The following SLC24A2 variants were observed in gnomAD, a reference collection of about 807,000 sequenced individuals.
SLC24A2 encodes the protein sodium/potassium/calcium exchanger 2.
Under a neutral mutation model 62.0 loss-of-function variants are expected in SLC24A2, and 36 were observed. The ratio of observed to expected loss-of-function variants is 0.58; its 90% CI spans 0.44 to 0.77. The LOEUF (loss-of-function observed/expected upper bound fraction) is 0.77, where lower values mean the gene tolerates loss of function less well. Among genes scored for constraint, SLC24A2 ranks in the 30% least tolerant of loss-of-function variants. SLC24A2 has a pLI of 0.00. For missense variants in SLC24A2, 846 were observed against 817.9 expected, an observed-to-expected ratio of 1.03 and a Z score of -0.42; for synonymous variants, 358 against 294.0, an observed-to-expected ratio of 1.22 and a Z score of -2.23.
intron 5 of SLC24A2, among the ~76,000 whole-genome samples, chr9:19,590,286 A>G (rs1486976153): frequency 6.6e-6 from 1 of 152,122 alleles, no homozygotes; most frequent in Non-Finnish European, 1.5e-5. Context: ...ATGGCCCTGA[A>G]TGTCCCCAAT....
the SLC24A2 span, among the ~76,000 whole-genome samples, chr9:19,885,625 G>A: frequency 3.9e-5 from 6 of 152,032 alleles, no homozygotes; most frequent in East Asian, 9.6e-4. Flanking sequence ...TAGGTTCAGG[G>A]GTACATGTAC....
At chr9:19,560,682 C>T (rs1835344758) in intron 7 of SLC24A2, among the ~76,000 whole-genome samples, 1 of 152,058 alleles carries the variant, frequency 6.6e-6, no homozygotes, top group Admixed American at 6.6e-5. Flanking sequence ...TCTGGCAGCC[C>T]CAGTAGGCTA....
chr9:19,877,428 C>G, the SLC24A2 span, among the ~76,000 whole-genome samples: 1 of 147,646 alleles, frequency 6.8e-6, no homozygotes, highest in Non-Finnish European at 1.5e-5. Flanking sequence ...TTTTCATAAC[C>G]AATTTAAAAT....
chr9:20,163,644 A>G, the SLC24A2 span, among the ~76,000 whole-genome samples: 177 of 152,256 alleles, frequency 1.2e-3, 2 homozygotes, highest in African/African-American at 4.1e-3. Context: ...TAAAGTTCAT[A>G]TGGAACCACA....
the SLC24A2 span, among the ~76,000 whole-genome samples, chr9:20,126,863 T>C: frequency 6.6e-6 from 1 of 152,174 alleles, no homozygotes; most frequent in East Asian, 1.9e-4. Context: ...TTTATTGGTG[T>C]TGCCTCTGTC....
chr9:20,255,850 A>G, the SLC24A2 span, among the ~76,000 whole-genome samples: 1 of 152,288 alleles, frequency 6.6e-6, no homozygotes, highest in Admixed American at 6.5e-5. Context: ...CCATTTTGTG[A>G]AGCAAGTTGA....
the SLC24A2 span, among the ~76,000 whole-genome samples, chr9:20,168,049 C>A: frequency 0.24 from 36,800 of 151,824 alleles, 5,527 homozygotes; most frequent in African/African-American, 0.43. Flanking sequence ...GGGTCATTAT[C>A]CATGCAAACT....
intron 8 of SLC24A2, among the ~76,000 whole-genome samples, chr9:19,531,660 G>T (rs146137041): frequency 1.1e-4 from 17 of 151,992 alleles, no homozygotes; most frequent in African/African-American, 3.9e-4. Context: ...CATCTACTCT[G>T]TGTAAGGTTC....
the SLC24A2 span, among the ~76,000 whole-genome samples, chr9:20,238,689 C>A: frequency 6.6e-6 from 1 of 152,200 alleles, no homozygotes; most frequent in Non-Finnish European, 1.5e-5. Flanking sequence ...TGGGACACCC[C>A]AGTGTACATG....
At chr9:19,534,962 TACACCCCC>T (rs1833886473) in intron 8 of SLC24A2, among the ~76,000 whole-genome samples, 1 of 152,214 alleles carries the variant, frequency 6.6e-6, no homozygotes, top group Admixed American at 6.5e-5. Context: ...TGAACTAACT[TACACCCCC>T]ACCAACAGTG....
chr9:19,925,054 T>C, the SLC24A2 span, among the ~76,000 whole-genome samples: 1 of 152,184 alleles, frequency 6.6e-6, no homozygotes, highest in African/African-American at 2.4e-5. Flanking sequence ...ACCCTTGGCA[T>C]CCAGCACCAA....
chr9:20,018,805 T>C, the SLC24A2 span, among the ~76,000 whole-genome samples: 2 of 152,006 alleles, frequency 1.3e-5, no homozygotes, highest in African/African-American at 2.4e-5. Flanking sequence ...GTGGTATACC[T>C]ATAATCCCAA....
At chr9:19,956,584 G>A in the SLC24A2 span, among the ~76,000 whole-genome samples, 1 of 152,200 alleles carries the variant, frequency 6.6e-6, no homozygotes, top group Non-Finnish European at 1.5e-5. Flanking sequence ...GGAGGAGCAA[G>A]TGACATCTTA....
chr9:19,815,187 C>T, the SLC24A2 span, among the ~76,000 whole-genome samples: 5 of 152,126 alleles, frequency 3.3e-5, 1 homozygote, highest in South Asian at 8.3e-4. Context: ...CTCTTGGTAC[C>T]CAATTCAATT....
chr9:19,783,668 T>C (rs1277389224), intron 2 of SLC24A2, among the ~76,000 whole-genome samples: 1 of 152,180 alleles, frequency 6.6e-6, no homozygotes, highest in Non-Finnish European at 1.5e-5. Flanking sequence ...AAGGCTGTAA[T>C]TACAGAAAAA....
chr9:20,230,768 T>C, the SLC24A2 span, among the ~76,000 whole-genome samples: 2 of 152,330 alleles, frequency 1.3e-5, no homozygotes, highest in African/African-American at 4.8e-5. Flanking sequence ...TTGGCTTTTG[T>C]TGCCATTGCT....
the SLC24A2 span, among the ~76,000 whole-genome samples, chr9:19,962,045 T>C: frequency 0.47 from 71,446 of 152,102 alleles, 17,652 homozygotes; most frequent in Non-Finnish European, 0.55. Context: ...AGATAGCTAA[T>C]ATATCACCCT....
chr9:19,559,352 T>C (rs536339920), intron 7 of SLC24A2, among the ~76,000 whole-genome samples: 1 of 152,344 alleles, frequency 6.6e-6, no homozygotes, highest in Non-Finnish European at 1.5e-5. Context: ...AATAATTTCT[T>C]ATTCTCTCAG....
At chr9:19,905,067 T>C in the SLC24A2 span, among the ~76,000 whole-genome samples, 1 of 152,154 alleles carries the variant, frequency 6.6e-6, no homozygotes, top group African/African-American at 2.4e-5. Context: ...TTTCTAAGAT[T>C]CTTTTACTCT....
Sources: gnomAD v4.1 joint callset for allele counts (sites outside exome capture counted in the v4.1 genomes callset) on GRCh38, gnomAD v4.1.1 for gene constraint, MANE v1.5 for transcripts, NCBI Gene and HGNC (gene_info 2026-07-23, HGNC 2026-07-21) for gene names.